MAN1A1: variants seen among roughly 807,000 people sequenced by gnomAD.
The protein encoded by MAN1A1 is mannosyl-oligosaccharide 1,2-alpha-mannosidase IA.
In MAN1A1, 29 loss-of-function variants were observed where a neutral mutation model predicts 70.8. The observed-to-expected ratio is 0.41, with a 90% CI of 0.31 to 0.56. The LOEUF (loss-of-function observed/expected upper bound fraction) is 0.56. Among genes scored for constraint, MAN1A1 ranks in the 20% least tolerant of loss-of-function variants. MAN1A1 has a pLI of 0.29. For missense variants in MAN1A1, 747 were observed against 841.3 expected (o/e 0.89, Z 1.39); for synonymous variants, 349 against 330.1 (o/e 1.06, Z -0.62).
chr6:119,275,468 G>A (rs1049205299), intron 5 of MAN1A1, among the ~76,000 whole-genome samples: 3 of 147,372 alleles, frequency 2.0e-5, no homozygotes, highest in Admixed American at 6.7e-5. Flanking sequence ...CACTACGCCC[G>A]GCTAATTTTT....
intron 2 of MAN1A1, 94 bp downstream of exon 2, chr6:119,348,369 T>C (rs564874772): frequency 3.2e-6 from 4 of 1,250,276 alleles, no homozygotes; most frequent in African/African-American, 3.0e-5. Flanking sequence ...TCCCCATACA[T>C]TGCATTGTTG....
chr6:119,261,428 T>C (rs1273157055), intron 5 of MAN1A1, among the ~76,000 whole-genome samples: 7 of 152,220 alleles, frequency 4.6e-5, no homozygotes, highest in Non-Finnish European at 7.3e-5. Context: ...TTAGTGCCTA[T>C]GTACTTAGGC....
chr6:119,188,516 T>C lies in MAN1A1; in HGVS notation c.1608A>G (p.Arg536=). ...FDGGVEAIAT[R]QNEKYYILRP... ...GTAAGATGTAGTATTTTTCATTTTG[T>C]CTTGTAGCGATGGCTTCAACACCAC... Residue 536 remains arginine, a synonymous_variant, in exon 11 of 13, where the codon AGA becomes AGG. Transcript: ENST00000368468. 1 of 1,614,074 alleles carries C rather than the reference T, an allele frequency of 6.2e-7. No individual in the cohort carries two copies. The highest frequency in any genetic ancestry group is 8.5e-7 in the Non-Finnish European group (1 of 1,179,942).
chr6:119,230,098 C>A (rs1251311030), intron 6 of MAN1A1, among the ~76,000 whole-genome samples: 1 of 152,058 alleles, frequency 6.6e-6, no homozygotes, highest in African/African-American at 2.4e-5. Context: ...TCCAGGAGAC[C>A]AACCAGAGTT....
intron 5 of MAN1A1, among the ~76,000 whole-genome samples, chr6:119,249,659 C>T (rs1312288122): frequency 6.6e-6 from 1 of 152,118 alleles, no homozygotes; most frequent in Non-Finnish European, 1.5e-5. Context: ...TGTGGCTTCT[C>T]CAGAGGGAAG....
chr6:119,219,692 C>T (rs1582707665), intron 6 of MAN1A1, among the ~76,000 whole-genome samples: 1 of 149,842 alleles, frequency 6.7e-6, no homozygotes, highest in East Asian at 2.0e-4. Flanking sequence ...AGTAATGAAA[C>T]AATGTAAGGT....
chr6:119,280,918 T>C (rs1776210336), intron 5 of MAN1A1, among the ~76,000 whole-genome samples: 1 of 152,086 alleles, frequency 6.6e-6, no homozygotes, highest in African/African-American at 2.4e-5. Context: ...AAAGAAAAAG[T>C]GGTGGAAGGA....
chr6:119,251,147 G>A (rs1775307150), intron 5 of MAN1A1, among the ~76,000 whole-genome samples: 1 of 152,144 alleles, frequency 6.6e-6, no homozygotes, highest in African/African-American at 2.4e-5. Context: ...TATTTAGCCT[G>A]CTTGTTTCCT....
At chr6:119,277,113 T>C (rs1223136682) in intron 5 of MAN1A1, among the ~76,000 whole-genome samples, 1 of 152,200 alleles carries the variant, frequency 6.6e-6, no homozygotes, top group Admixed American at 6.5e-5. Context: ...AACATTGCCC[T>C]CAAGGCTTAT....
At chr6:119,294,169 G>A (rs1183386151) in intron 4 of MAN1A1, among the ~76,000 whole-genome samples, 2 of 152,028 alleles carry the variant, frequency 1.3e-5, no homozygotes, top group Non-Finnish European at 2.9e-5. Context: ...TATAGAAGTT[G>A]ACCAACTTCC....
At chr6:119,317,310 A>C (rs1772880516) in intron 2 of MAN1A1, among the ~76,000 whole-genome samples, 1 of 152,158 alleles carries the variant, frequency 6.6e-6, no homozygotes, top group South Asian at 2.1e-4. Context: ...AATGGTTTTG[A>C]CAATGTATAA....
chr6:119,190,567 A>G (rs540141043), intron 9 of MAN1A1, among the ~76,000 whole-genome samples: 1 of 152,338 alleles, frequency 6.6e-6, no homozygotes, highest in East Asian at 1.9e-4. Context: ...ACTTGATAAG[A>G]GTCATTTATA....
intron 5 of MAN1A1, among the ~76,000 whole-genome samples, chr6:119,260,838 G>A (rs1053726348): frequency 6.6e-6 from 1 of 152,072 alleles, no homozygotes; most frequent in African/African-American, 2.4e-5. Context: ...TATTAGAAGA[G>A]TTTTGAAAAT....
chr6:119,274,483 A>T (rs1776001548), intron 5 of MAN1A1, among the ~76,000 whole-genome samples: 1 of 152,198 alleles, frequency 6.6e-6, no homozygotes, highest in South Asian at 2.1e-4. Flanking sequence ...ATAAAGCCAA[A>T]ATATTTTAGT....
chr6:119,201,464 T>A, intron 7 of MAN1A1, 117 bp from the exon 8 acceptor site: 1 of 667,908 alleles, frequency 1.5e-6, no homozygotes, highest in Non-Finnish European at 2.7e-6. Context: ...CAAAGATAAC[T>A]GCTGTTAGCT....
At chr6:119,304,971 T>C (rs972385379) in intron 3 of MAN1A1, among the ~76,000 whole-genome samples, 3 of 151,910 alleles carry the variant, frequency 2.0e-5, no homozygotes, top group Non-Finnish European at 4.4e-5. Flanking sequence ...AATGAAAACT[T>C]TGTATGTCTT....
At chr6:119,337,036 G>T (rs1298061755) in intron 2 of MAN1A1, among the ~76,000 whole-genome samples, 2 of 151,950 alleles carry the variant, frequency 1.3e-5, no homozygotes, top group Admixed American at 1.3e-4. Context: ...ACCTTTAAAG[G>T]AATCTCACAA....
At chr6:119,235,932 G>A (rs1206709428) in intron 6 of MAN1A1, among the ~76,000 whole-genome samples, 1 of 151,952 alleles carries the variant, frequency 6.6e-6, no homozygotes, top group East Asian at 1.9e-4. Context: ...GAGGTCAGGA[G>A]TTTGAGACCA....
Position 119,204,760 on chromosome 6 carries a change from T to C in MAN1A1, c.1115A>G (p.Lys372Arg). The change falls in exon 7 of 13, where the codon AAG (lysine) becomes AGG (arginine). Residue 372 changes from lysine to arginine, a missense_variant and splice_region_variant. By Grantham distance (26) the Lys-to-Arg change is conservative. Transcript: ENST00000368468. ...CCAAGGCACATTGAAGAATCTCACCTTTTCAGCAAAGATGGGGTTTCCTGA... is the reference window on the plus strand; with the variant it reads ...CCAAGGCACATTGAAGAATCTCACCCTTTCAGCAAAGATGGGGTTTCCTGA... Reference protein sequence around the residue: ...HLSGNPIFAEKVMNIRTVLNK... With the variant: ...HLSGNPIFAERVMNIRTVLNK... 1 of 1,613,896 alleles carries C rather than the reference T, an allele frequency of 6.2e-7. No individual in the cohort carries two copies. The highest frequency in any genetic ancestry group is 1.1e-5 in the South Asian group (1 of 91,056).
Sources: allele counts gnomAD v4.1 joint callset (sites outside exome capture counted in the v4.1 genomes callset), GRCh38; gene constraint gnomAD v4.1.1; transcripts MANE v1.5; gene names NCBI Gene and HGNC (gene_info 2026-07-23, HGNC 2026-07-21).